Variants in ELL observed in about 807,000 individuals in gnomAD.
ELL encodes the protein elongation factor for RNA polymerase II.
Under a neutral mutation model 64.0 loss-of-function variants are expected in ELL, and 18 were observed. The observed-to-expected ratio is 0.28, with a 90% confidence interval of 0.19 to 0.42. ELL has a LOEUF of 0.42. Ranked by LOEUF, ELL falls within the 10% of genes least tolerant of loss-of-function variation. The pLI, the probability that ELL is intolerant of heterozygous loss-of-function variation, is 1.00. For synonymous variants in ELL, 399 were observed against 376.2 expected (o/e 1.06, Z -0.70); for missense variants, 797 against 870.4 (o/e 0.92, Z 1.06).
At chr19:18,453,926 C>T (rs1277336973) in intron 6 of ELL, among the ~76,000 whole-genome samples, 2 of 152,148 alleles carry the variant, frequency 1.3e-5, no homozygotes, top group Non-Finnish European at 2.9e-5. Context: ...AGCCACACAG[C>T]GTATAATTCC....
At chr19:18,483,978 C>T (rs540223497) in intron 1 of ELL, among the ~76,000 whole-genome samples, 2 of 152,348 alleles carry the variant, frequency 1.3e-5, no homozygotes, top group Middle Eastern at 3.4e-3. Flanking sequence ...GCCTTTCCCC[C>T]TTATTATTCC....
intron 1 of ELL, among the ~76,000 whole-genome samples, chr19:18,499,911 G>A (rs1242121494): frequency 6.6e-6 from 1 of 152,058 alleles, no homozygotes; most frequent in Non-Finnish European, 1.5e-5. Flanking sequence ...TCTCAAAACT[G>A]CATCAATGAC....
At chr19:18,521,545 G>A (rs1976276225) in intron 1 of ELL, among the ~76,000 whole-genome samples, 1 of 152,166 alleles carries the variant, frequency 6.6e-6, no homozygotes, top group African/African-American at 2.4e-5. Context: ...TCACGGTGCC[G>A]GGACCGTGCG....
rs146853919 is a variant in ELL, at chr19:18,483,328, A to G, written c.136-10446T>C. Among the ~76,000 whole-genome samples, 1,083 of 152,248 alleles carry G rather than the reference A, an allele frequency of 7.1e-3. 14 individuals are homozygous for G. Among genetic ancestry groups the G allele is most frequent in the African/African-American group, 0.025 (1,031 of 41,534 alleles). On this transcript the variant is annotated intron_variant, in intron 1 of 11. Transcript: ENST00000262809. ...CAGTTGCAGTGCAGGGTTTTTGGAC[A>G]CTATCCAGGTCCTTCTTCCAGAAGG...
In ELL at chr19:18,445,155, C is replaced by G. The variant is rs566965948; in HGVS notation, c.1749+69G>C. 1.9e-5 allele frequency: 30 copies of G among 1,596,836 alleles called. No homozygotes were observed. In the South Asian group the frequency reaches 2.8e-4, roughly 15 times the overall value. ...GAAGTAGCGGGCAGGGAGGCTGCCC[C>G]GGGCCCACCCTCCTCCCTCCAGCTC... On this transcript the variant is annotated intron_variant, in intron 11 of 11. Coordinates refer to ENST00000262809, the MANE Select transcript of ELL (RefSeq NM_006532.4).
intron 2 of ELL, among the ~76,000 whole-genome samples, chr19:18,467,581 T>A (rs899722898): frequency 1.3e-5 from 2 of 151,316 alleles, no homozygotes; most frequent in South Asian, 2.1e-4. Context: ...TAGCCTCTGA[T>A]GATTCACCCT....
At chr19:18,469,572 G>T (rs1435861588) in intron 2 of ELL, among the ~76,000 whole-genome samples, 1 of 152,206 alleles carries the variant, frequency 6.6e-6, no homozygotes, top group Non-Finnish European at 1.5e-5. Flanking sequence ...GATGGCCCAC[G>T]CACAGCAGGT....
rs1414731397 is a variant in ELL at position 18,443,248 on chromosome 19, G to A, written c.*1504C>T. 3 of 228,966 alleles carry A rather than the reference G, an allele frequency of 1.3e-5. No individual in the cohort carries two copies. Among genetic ancestry groups the A allele is most frequent in the Admixed American group, 5.7e-5 (1 of 17,622 alleles). The allele number at this position is 228,966 out of a possible 1,614,324, so 14.2% of individuals were successfully genotyped here. ...CAACAACAGCTATTGAAACATGAAG[G>A]ATCAGTTTCCTCGGAGCTCTGGGAA... is the stretch of plus-strand genomic sequence containing the variant. On this transcript the variant is annotated 3_prime_UTR_variant, in exon 12 of 12. Transcript: ENST00000262809.
chr19:18,510,989 C>T (rs529174928), intron 1 of ELL, among the ~76,000 whole-genome samples: 70 of 152,132 alleles, frequency 4.6e-4, no homozygotes, highest in Middle Eastern at 3.4e-3. Flanking sequence ...ACGCATGGGC[C>T]GGGTGCGGTG....
At chr19:18,504,332 A>G (rs2144968211) in intron 1 of ELL, among the ~76,000 whole-genome samples, 1 of 152,306 alleles carries the variant, frequency 6.6e-6, no homozygotes, top group South Asian at 2.1e-4. Context: ...GACTCTCGGG[A>G]TTACCCACAT....
At chr19:18,502,245 G>A (rs569325018) in intron 1 of ELL, among the ~76,000 whole-genome samples, 3 of 152,172 alleles carry the variant, frequency 2.0e-5, no homozygotes, top group East Asian at 3.9e-4. Context: ...AGGATTCCAG[G>A]ACAGCAAGGG....
intron 4 of ELL, among the ~76,000 whole-genome samples, chr19:18,462,455 C>T (rs912155129): frequency 6.7e-6 from 1 of 148,882 alleles, no homozygotes; most frequent in Non-Finnish European, 1.5e-5. Context: ...ACAATCATGG[C>T]TCATTGCAGC....
chr19:18,462,367 G>GT (rs1555732683), intron 4 of ELL, among the ~76,000 whole-genome samples: 1 of 79,326 alleles, frequency 1.3e-5, no homozygotes, highest in African/African-American at 6.7e-5. Context: ...GTGTGTGTTT[G>GT]GGCGGGGGGC....
intron 1 of ELL, among the ~76,000 whole-genome samples, chr19:18,505,795 C>A (rs890303754): frequency 1.3e-5 from 2 of 152,122 alleles, no homozygotes; most frequent in African/African-American, 4.8e-5. Flanking sequence ...GACAGGAAAG[C>A]AAAGTAAGGA....
intron 1 of ELL, among the ~76,000 whole-genome samples, chr19:18,521,261 G>C (rs897866249): frequency 1.3e-5 from 2 of 152,034 alleles, no homozygotes; most frequent in Non-Finnish European, 2.9e-5. Flanking sequence ...GGGGTAAGGG[G>C]AGCAGAAAGC....
chr19:18,443,822 G>A lies in ELL; in HGVS notation c.*930C>T. ...CAAACCTTGGCGGTGGCTCTGCTAAGACGACCCCAGGACCCACAAGTGGAC... is the reference window on the plus strand; with the variant it reads ...CAAACCTTGGCGGTGGCTCTGCTAAAACGACCCCAGGACCCACAAGTGGAC... On this transcript the variant is annotated 3_prime_UTR_variant, in exon 12 of 12. Coordinates refer to ENST00000262809, the MANE Select transcript of ELL (RefSeq NM_006532.4). The A allele has an allele frequency of 4.3e-6, 1 of 233,216 alleles. No individual in the cohort carries two copies. Among genetic ancestry groups the A allele is most frequent in the Non-Finnish European group, 8.5e-6 (1 of 118,022 alleles). The allele number at this position is 233,216 out of a possible 1,614,324, so 14.4% of individuals were successfully genotyped here. A position where few individuals can be genotyped will look rare whatever the true frequency, so the allele number is the denominator to read the frequency against.
In ELL at chr19:18,443,540, AAC is replaced by A. The variant is rs986156335; in HGVS notation, c.*1210_*1211del. On this transcript the variant is annotated 3_prime_UTR_variant, in exon 12 of 12. Transcript: ENST00000262809. ...ATGGCTTCATTCAGCCCTAAATGGGAACACACGCCTCAGACCCCACCATGCCC... is the reference window on the plus strand; with the variant it reads ...ATGGCTTCATTCAGCCCTAAATGGGAACACGCCTCAGACCCCACCATGCCC... 27 of 233,444 alleles carry A rather than the reference AAC, an allele frequency of 1.2e-4. No individual in the cohort carries two copies. Among genetic ancestry groups the A allele is most frequent in the African/African-American group, 5.7e-4 (26 of 45,440 alleles). 14.5% of individuals were successfully genotyped at this position (233,444 alleles called of 1,614,324 possible). A position where few individuals can be genotyped will look rare whatever the true frequency, so the allele number is the denominator to read the frequency against.
intron 1 of ELL, among the ~76,000 whole-genome samples, chr19:18,486,968 C>T (rs974092764): frequency 1.3e-5 from 2 of 152,218 alleles, no homozygotes; most frequent in African/African-American, 4.8e-5. Context: ...CTGCAGCCAA[C>T]CAAAGCCTTC....
chr19:18,506,357 A>G (rs1975884833), intron 1 of ELL, among the ~76,000 whole-genome samples: 1 of 152,222 alleles, frequency 6.6e-6, no homozygotes, highest in East Asian at 1.9e-4. Flanking sequence ...TTCAGAGCAG[A>G]CTGTGGCAAG....
Sources: allele counts gnomAD v4.1 joint callset (sites outside exome capture counted in the v4.1 genomes callset), GRCh38; gene constraint gnomAD v4.1.1; transcripts MANE v1.5; gene names NCBI Gene and HGNC (gene_info 2026-07-23, HGNC 2026-07-21).